Variants in PDE4D observed in about 807,000 individuals in gnomAD.
PDE4D encodes 3',5'-cyclic-AMP phosphodiesterase 4D.
PDE4D carries 24 observed loss-of-function variants against 87.4 expected under a neutral mutation model. That is an observed-to-expected ratio of 0.27 (90% CI 0.20 to 0.39). The LOEUF is 0.39. PDE4D is among the 10% of genes least tolerant of loss of function. The pLI is 1.00. For synonymous variants in PDE4D, 384 were observed against 383.2 expected, an observed-to-expected ratio of 1.00 and a Z score of -0.02; for missense variants, 714 against 1,041.0, an observed-to-expected ratio of 0.69 and a Z score of 4.32.
chr5:60,380,631 G>A lies in PDE4D; in HGVS notation c.-90+107311C>T, dbSNP rs964972434. Among the ~76,000 whole-genome samples, 12 of 152,200 alleles carry A rather than the reference G, an allele frequency of 7.9e-5. No homozygotes were observed. In the East Asian group the frequency reaches 1.3e-3, roughly 17 times the overall value. On this transcript the variant is annotated intron_variant, in intron 1 of 16. Transcript: ENST00000502484. The stretch of plus-strand genomic sequence containing the variant: ...AGAAATAACTCTCTTGTTTTAGCAA[G>A]TGATACCAATTTGGAGATTGTTTGT...
intron 2 of PDE4D, among the ~76,000 whole-genome samples, chr5:59,992,918 T>C (rs1763158225): frequency 6.6e-6 from 1 of 152,126 alleles, no homozygotes; most frequent in African/African-American, 2.4e-5. Context: ...TCAGTTATGG[T>C]TCAGAAATAA....
chr5:60,143,603 TTGTGTGTGTGTGTGTGTGTGTG>T (rs34236719), intron 2 of PDE4D, among the ~76,000 whole-genome samples: 2 of 117,692 alleles, frequency 1.7e-5, no homozygotes, highest in South Asian at 3.1e-4. Flanking sequence ...AGCTTGGGAA[TTGTGTGTGTGTGTGTGTGTGTG>T]TGTGTGTGTG....
chr5:60,095,725 C>T (rs545960886), intron 2 of PDE4D, among the ~76,000 whole-genome samples: 1 of 152,242 alleles, frequency 6.6e-6, no homozygotes, highest in South Asian at 2.1e-4. Flanking sequence ...AAAAGCATTC[C>T]TATTTCTCCA....
intron 2 of PDE4D, among the ~76,000 whole-genome samples, chr5:60,103,589 C>T (rs1273881381): frequency 6.6e-6 from 1 of 152,068 alleles, no homozygotes; most frequent in Non-Finnish European, 1.5e-5. Flanking sequence ...ACCTGTTGGT[C>T]CTCCAGAACT....
At chr5:60,109,500 C>T (rs945613172) in intron 2 of PDE4D, among the ~76,000 whole-genome samples, 2 of 150,946 alleles carry the variant, frequency 1.3e-5, no homozygotes, top group Admixed American at 6.6e-5. Context: ...ACCCAGCCAT[C>T]CCATTACTGG....
At chr5:59,622,940 C>T (rs994312228) in intron 1 of PDE4D, among the ~76,000 whole-genome samples, 29 of 152,134 alleles carry the variant, frequency 1.9e-4, no homozygotes, top group African/African-American at 7.0e-4. Flanking sequence ...TCGTTGTGAT[C>T]ACCACCCAGT....
At chr5:60,253,849 C>T (rs1256246042) in intron 1 of PDE4D, among the ~76,000 whole-genome samples, 1 of 151,756 alleles carries the variant, frequency 6.6e-6, no homozygotes, top group African/African-American at 2.4e-5. Flanking sequence ...CTACATGTCC[C>T]AGATTAACCT....
intron 1 of PDE4D, among the ~76,000 whole-genome samples, chr5:59,599,712 C>T (rs963285772): frequency 6.6e-6 from 1 of 152,120 alleles, no homozygotes; most frequent in African/African-American, 2.4e-5. Context: ...TTTCTCCCCT[C>T]TCCCAGCTGG....
At chr5:59,663,376 G>A (rs1025458759) in intron 1 of PDE4D, among the ~76,000 whole-genome samples, 2 of 151,848 alleles carry the variant, frequency 1.3e-5, no homozygotes, top group African/African-American at 4.8e-5. Context: ...TCACTGTGTT[G>A]GCCAGGCTGG....
intron 1 of PDE4D, among the ~76,000 whole-genome samples, chr5:59,535,717 T>A (rs111817373): frequency 1.2e-4 from 19 of 152,322 alleles, no homozygotes; most frequent in African/African-American, 4.3e-4. Flanking sequence ...CTGCCACAAC[T>A]TATAATAAAT....
At chr5:59,544,709 G>A (rs1485888021) in intron 1 of PDE4D, among the ~76,000 whole-genome samples, 10 of 152,194 alleles carry the variant, frequency 6.6e-5, no homozygotes, top group African/African-American at 2.4e-4. Flanking sequence ...GTGGGGAGAA[G>A]GGGAGAAGCG....
chr5:59,304,486 G>A (rs545493837), intron 1 of PDE4D, among the ~76,000 whole-genome samples: 1 of 152,206 alleles, frequency 6.6e-6, no homozygotes, highest in Admixed American at 6.6e-5. Flanking sequence ...TTCTCAGAGG[G>A]AATTCTTTCA....
In PDE4D at chr5:60,458,155, C is replaced by T. The variant is rs183299101; in HGVS notation, c.-90+29787G>A. Among the ~76,000 whole-genome samples, 715 of 152,112 alleles carry T rather than the reference C, an allele frequency of 4.7e-3. 8 individuals are homozygous for T. The highest frequency in any genetic ancestry group is 0.016 in the African/African-American group (658 of 41,502). On this transcript the variant is annotated intron_variant, in intron 1 of 16. Transcript: ENST00000502484. ...ATCCCAGCACTTTGGGAGGCCAAGG[C>T]GGGTGGATCACTTGAGGCCAGGATT... is the stretch of plus-strand genomic sequence containing the variant.
At chr5:59,509,851 T>C (rs1809965910) in intron 1 of PDE4D, among the ~76,000 whole-genome samples, 2 of 147,654 alleles carry the variant, frequency 1.4e-5, no homozygotes, top group South Asian at 4.2e-4. Flanking sequence ...TATAATTTTA[T>C]ATTAAGTTAT....
At chr5:59,999,568 A>G (rs1763842756) in intron 2 of PDE4D, among the ~76,000 whole-genome samples, 1 of 151,544 alleles carries the variant, frequency 6.6e-6, no homozygotes, top group African/African-American at 2.4e-5. Flanking sequence ...AGGCTCCCAA[A>G]ATCTCTATGT....
At chr5:59,412,071 G>C (rs980238008) in intron 1 of PDE4D, among the ~76,000 whole-genome samples, 5 of 152,116 alleles carry the variant, frequency 3.3e-5, no homozygotes, top group Non-Finnish European at 7.4e-5. Flanking sequence ...TTGTTGAGAA[G>C]GATAAGAACA....
chr5:59,776,711 T>C (rs1764113833), intron 1 of PDE4D, among the ~76,000 whole-genome samples: 1 of 152,162 alleles, frequency 6.6e-6, no homozygotes, highest in African/African-American at 2.4e-5. Context: ...CACAGATAGG[T>C]ATATTCACTG....
At chr5:60,078,918 G>C (rs182897034) in intron 2 of PDE4D, among the ~76,000 whole-genome samples, 25 of 152,172 alleles carry the variant, frequency 1.6e-4, no homozygotes, top group Non-Finnish European at 3.2e-4. Context: ...GGGATTGCTG[G>C]GTCAAATAGT....
intron 2 of PDE4D, among the ~76,000 whole-genome samples, chr5:60,037,946 A>G (rs915010134): frequency 2.0e-5 from 3 of 152,212 alleles, no homozygotes; most frequent in Admixed American, 1.3e-4. Context: ...TCTAAGTGAC[A>G]TATTTATATC....
Sources: allele counts gnomAD v4.1 joint callset (sites outside exome capture counted in the v4.1 genomes callset), GRCh38; gene constraint gnomAD v4.1.1; transcripts MANE v1.5; gene names NCBI Gene and HGNC (gene_info 2026-07-23, HGNC 2026-07-21).